Variants in TMTC2 observed in about 807,000 individuals in gnomAD.
TMTC2 encodes transmembrane O-mannosyltransferase targeting cadherins 2, also known as protein O-mannosyl-transferase TMTC2.
TMTC2 carries 43 observed loss-of-function variants against 82.4 expected under a neutral mutation model. The ratio of observed to expected loss-of-function variants is 0.52; its 90% confidence interval spans 0.41 to 0.67. The LOEUF is 0.67. TMTC2 is among the 30% of genes least tolerant of loss of function. The pLI, the probability that TMTC2 is intolerant of heterozygous loss-of-function variation, is 0.00. For synonymous variants in TMTC2, 408 were observed against 381.9 expected, an observed-to-expected ratio of 1.07 and a Z score of -0.80; for missense variants, 919 against 1,012.4, an observed-to-expected ratio of 0.91 and a Z score of 1.25.
rs149248692 is a variant in TMTC2 at position 82,794,626 on chromosome 12, G to A, written c.84-62384G>A. On this transcript the variant is annotated intron_variant, in intron 1 of 11. Transcript: ENST00000321196. Reference sequence around the variant, plus strand: ...CTTCTATTATAAGCACATTAAAATGGTCATTACTCCAATTACCATAATCAA... The same window carrying A: ...CTTCTATTATAAGCACATTAAAATGATCATTACTCCAATTACCATAATCAA... Among the ~76,000 whole-genome samples the A allele has an allele frequency of 5.2e-3, 787 of 152,178 alleles. 4 individuals are homozygous for A. Among genetic ancestry groups the A allele is most frequent in the African/African-American group, 0.018 (753 of 41,534 alleles).
chr12:82,857,087 C>T lies in TMTC2; in HGVS notation c.161C>T (p.Thr54Ile). ...ATTTTCTACAATGATTTTTGGGGGACTCTTCTAACCCACAGTGGCAGCCAC... is the reference window on the plus strand; with the variant it reads ...ATTTTCTACAATGATTTTTGGGGGATTCTTCTAACCCACAGTGGCAGCCAC... ...THIFYNDFWG[T>I]LLTHSGSHKS... Residue 54 changes from threonine to isoleucine, a missense_variant, in exon 2 of 12, where the codon ACT (threonine) becomes ATT (isoleucine). Transcript: ENST00000321196. 1 of 1,613,782 alleles carries T rather than the reference C, an allele frequency of 6.2e-7. No individual in the cohort carries two copies. Among genetic ancestry groups the T allele is most frequent in the Non-Finnish European group, 8.5e-7 (1 of 1,180,016 alleles).
At chr12:82,815,228 G>A (rs539214894) in intron 1 of TMTC2, among the ~76,000 whole-genome samples, 4 of 150,850 alleles carry the variant, frequency 2.7e-5, no homozygotes, top group African/African-American at 4.9e-5. Context: ...GTGCATTGGC[G>A]CGATCTTGGC....
rs1421116027 is a variant in TMTC2, at chr12:83,046,010, C to A, written c.2153-4894C>A. ...GCCTCACACTTGCCTTTCAAGTCAC[C>A]CACTTAGCCCTCTCCCAAGTGTACT... On this transcript the variant is annotated intron_variant, in intron 9 of 11. Transcript: ENST00000321196. 4.6e-5 allele frequency among the ~76,000 whole-genome samples: 7 copies of A among 152,084 alleles called. No individual in the cohort carries two copies. The East Asian group carries it at 1.4e-3, about 29-fold the overall frequency.
chr12:82,856,953 A>G (rs1871284264), intron 1 of TMTC2, 57 bp from the exon 2 acceptor site: 3 of 1,498,494 alleles, frequency 2.0e-6, no homozygotes, highest in South Asian at 1.3e-5. Context: ...TCAATGTCAT[A>G]TTTTTTCTTT....
intron 8 of TMTC2, among the ~76,000 whole-genome samples, chr12:82,989,570 C>CCA (rs1555203453): frequency 1.3e-5 from 2 of 150,268 alleles, no homozygotes; most frequent in Non-Finnish European, 3.0e-5. Context: ...GCACCCCCCC[C>CCA]AAAAAAAAGT....
intron 2 of TMTC2, among the ~76,000 whole-genome samples, chr12:82,893,782 T>C (rs1310328064): frequency 6.6e-6 from 1 of 152,128 alleles, no homozygotes; most frequent in African/African-American, 2.4e-5. Flanking sequence ...AATTACAAAC[T>C]TTTTGTTTTG....
At chr12:82,984,057 TA>T (rs951685737) in intron 7 of TMTC2, among the ~76,000 whole-genome samples, 1 of 149,372 alleles carries the variant, frequency 6.7e-6, no homozygotes, top group Non-Finnish European at 1.5e-5. Flanking sequence ...TTATGGAAAT[TA>T]AAAAAACAAT....
intron 3 of TMTC2, among the ~76,000 whole-genome samples, chr12:82,915,255 C>T (rs1319420850): frequency 2.6e-5 from 4 of 152,096 alleles, no homozygotes; most frequent in Admixed American, 2.6e-4. Flanking sequence ...TATTGTTCCT[C>T]CTTATTAGTG....
intron 4 of TMTC2, among the ~76,000 whole-genome samples, chr12:82,950,567 T>C (rs1335329955): frequency 6.6e-6 from 1 of 152,222 alleles, no homozygotes; most frequent in Non-Finnish European, 1.5e-5. Flanking sequence ...ATGGGTTCAT[T>C]GTGAGAAATA....
intron 11 of TMTC2, among the ~76,000 whole-genome samples, chr12:83,077,237 G>C (rs1348937739): frequency 6.6e-6 from 1 of 152,142 alleles, no homozygotes; most frequent in African/African-American, 2.4e-5. Flanking sequence ...CTTCCACTGC[G>C]GCAGCCATAA....
intron 1 of TMTC2, among the ~76,000 whole-genome samples, chr12:82,787,520 C>T (rs1489416170): frequency 6.6e-6 from 1 of 152,094 alleles, no homozygotes; most frequent in African/African-American, 2.4e-5. Flanking sequence ...AAATCTTTAT[C>T]CATTAAAATT....
chr12:82,883,886 CT>C (rs1872960903), intron 2 of TMTC2, among the ~76,000 whole-genome samples: 3 of 152,192 alleles, frequency 2.0e-5, no homozygotes, highest in South Asian at 4.1e-4. Flanking sequence ...TCGTTTAAAA[CT>C]TTTTTTGTTG....
intron 1 of TMTC2, among the ~76,000 whole-genome samples, chr12:82,706,394 G>T (rs1873359210): frequency 6.6e-6 from 1 of 151,870 alleles, no homozygotes; most frequent in Non-Finnish European, 1.5e-5. Context: ...AGAAAAGCTT[G>T]GTGTCCAAGA....
intron 11 of TMTC2, among the ~76,000 whole-genome samples, chr12:83,083,427 A>T (rs1883542423): frequency 6.6e-6 from 1 of 152,116 alleles, no homozygotes. Context: ...TTGCATCCCC[A>T]GCACTCCCTC....
chr12:82,842,193 T>C (rs535882885), intron 1 of TMTC2, among the ~76,000 whole-genome samples: 21 of 152,316 alleles, frequency 1.4e-4, no homozygotes, highest in Admixed American at 1.2e-3. Context: ...CCCTCCAACT[T>C]CAGTTTTCTA....
At position 82,857,078 on chromosome 12, in the gene TMTC2, T is replaced by A. The variant is rs1871292882; in HGVS notation, c.152T>A (p.Phe51Tyr). ...TGGACGCACATTTTCTACAATGATT[T>A]TTGGGGGACTCTTCTAACCCACAGT... ...TPWTHIFYND[F>Y]WGTLLTHSGS... Residue 51 changes from phenylalanine to tyrosine, a missense_variant, in exon 2 of 12, where the codon TTT becomes TAT. By Grantham distance (22) the Phe-to-Tyr change is conservative. Coordinates refer to ENST00000321196, the MANE Select transcript of TMTC2 (RefSeq NM_152588.3). 6.2e-7 allele frequency: 1 copy of A among 1,613,740 alleles called. No homozygotes were observed. Among genetic ancestry groups the A allele is most frequent in the Middle Eastern group, 1.6e-4 (1 of 6,062 alleles).
intron 11 of TMTC2, among the ~76,000 whole-genome samples, chr12:83,105,960 A>G (rs982081088): frequency 3.9e-5 from 6 of 152,224 alleles, no homozygotes; most frequent in Admixed American, 1.3e-4. Flanking sequence ...TTATCAGAAA[A>G]AGAATATAGA....
chr12:83,031,986 T>C (rs1253751826), intron 9 of TMTC2, among the ~76,000 whole-genome samples: 3 of 152,036 alleles, frequency 2.0e-5, no homozygotes, highest in African/African-American at 7.2e-5. Flanking sequence ...TAATTTAAGT[T>C]TGCTGCAGAA....
intron 1 of TMTC2, among the ~76,000 whole-genome samples, chr12:82,772,671 A>G (rs550508231): frequency 2.0e-5 from 3 of 152,316 alleles, no homozygotes; most frequent in South Asian, 2.1e-4. Flanking sequence ...AGAGTTAATT[A>G]TCCCTGTCTC....
Sources: allele counts gnomAD v4.1 joint callset (sites outside exome capture counted in the v4.1 genomes callset), GRCh38; gene constraint gnomAD v4.1.1; transcripts MANE v1.5; gene names NCBI Gene and HGNC (gene_info 2026-07-23, HGNC 2026-07-21).